The following DNAI1 variants were observed in gnomAD, a reference collection of about 807,000 sequenced individuals.
DNAI1 encodes dynein, axonemal, intermediate polypeptide 1.
A neutral mutation model predicts 92.0 loss-of-function variants in DNAI1; 67 were observed. The observed-to-expected ratio is 0.73, with a 90% CI of 0.60 to 0.89. The LOEUF (loss-of-function observed/expected upper bound fraction) is 0.89. Ranked by LOEUF, DNAI1 falls within the 40% of genes least tolerant of loss-of-function variation. The probability of loss-of-function intolerance (pLI) is 0.00; values close to 1 mark genes in which losing one functional copy is unlikely to be tolerated. For missense variants in DNAI1, 839 were observed against 866.6 expected (o/e 0.97, Z 0.40); for synonymous variants, 323 against 319.6 (o/e 1.01, Z -0.11).
rs758117826 is a variant in DNAI1, at chr9:34,514,679, T to C, written c.1758T>C (p.Gly586=). The change falls in exon 18 of 20, where the codon GGT becomes GGC. Residue 586 remains glycine, a synonymous_variant. Coordinates refer to ENST00000242317, the MANE Select transcript of DNAI1 (RefSeq NM_012144.4). ...MFIYDLNSAV[G]DVAWAPYSST... ...TCTATGACCTGAACTCAGCCGTGGG[T>C]GATGTGGCCTGGGCGCCATACTCTT... The C allele has an allele frequency of 4.3e-6, 7 of 1,613,948 alleles. No individual in the cohort carries two copies. The highest frequency in any genetic ancestry group is 1.3e-5 in the African/African-American group (1 of 74,884).
intron 12 of DNAI1, among the ~76,000 whole-genome samples, chr9:34,505,157 A>C (rs1447302886): frequency 6.6e-6 from 1 of 152,198 alleles, no homozygotes; most frequent in Admixed American, 6.5e-5. Context: ...ATAGTTCTGG[A>C]GGTCAGAAGT....
intron 13 of DNAI1, among the ~76,000 whole-genome samples, chr9:34,507,994 G>A (rs1280082918): frequency 6.6e-6 from 1 of 152,214 alleles, no homozygotes; most frequent in Non-Finnish European, 1.5e-5. Flanking sequence ...CTTAGCTGTG[G>A]CTTTGCAGGC....
intron 13 of DNAI1, among the ~76,000 whole-genome samples, chr9:34,508,000 C>G (rs1431831047): frequency 6.6e-6 from 1 of 152,234 alleles, no homozygotes; most frequent in African/African-American, 2.4e-5. Context: ...TGTGGCTTTG[C>G]AGGCCCTTCC....
intron 15 of DNAI1, among the ~76,000 whole-genome samples, chr9:34,512,858 A>G (rs527884325): frequency 6.6e-5 from 10 of 152,198 alleles, no homozygotes; most frequent in Non-Finnish European, 1.3e-4. Context: ...TGCCTTGTTT[A>G]CCCAGGCCCC....
intron 1 of DNAI1, among the ~76,000 whole-genome samples, chr9:34,469,584 T>C (rs1292637888): frequency 2.6e-5 from 4 of 151,934 alleles, no homozygotes; most frequent in African/African-American, 9.7e-5. Flanking sequence ...TTGTTGTTGT[T>C]TTTGGTTGTT....
chr9:34,500,778 C>G lies in DNAI1; in HGVS notation c.958C>G (p.Leu320Val), dbSNP rs1455960391. ...DEYRDQVGTL[L>V]PLWKFQNDKA... is the part of the protein sequence containing the mutation. Reference sequence around the variant, plus strand: ...ATACCGGGACCAGGTGGGTACCCTGCTGCCGCTCTGGAAGTTCCAAAATGA... The same window carrying G: ...ATACCGGGACCAGGTGGGTACCCTGGTGCCGCTCTGGAAGTTCCAAAATGA... The change falls in exon 11 of 20, where the codon CTG becomes GTG. Residue 320 changes from leucine (L) to valine (V), a missense_variant. Physicochemically the swap from Leu to Val is conservative, Grantham distance 32. Transcript: ENST00000242317. 13 of 1,614,028 alleles carry G rather than the reference C, an allele frequency of 8.1e-6. No individual in the cohort carries two copies. Among genetic ancestry groups the G allele is most frequent in the Non-Finnish European group, 1.1e-5 (13 of 1,180,038 alleles).
intron 19 of DNAI1, among the ~76,000 whole-genome samples, chr9:34,519,236 G>C (rs1825222858): frequency 6.6e-6 from 1 of 152,060 alleles, no homozygotes; most frequent in Admixed American, 6.6e-5. Context: ...TTTCCAAATG[G>C]CTTCCCCACA....
chr9:34,493,389 G>T, intron 9 of DNAI1, 61 bp downstream of exon 9: 4 of 1,608,304 alleles, frequency 2.5e-6, no homozygotes, highest in Non-Finnish European at 3.4e-6. Context: ...TGGCCTCTGG[G>T]TAGACAGAAG....
At chr9:34,502,920 G>T (rs1204988610) in intron 12 of DNAI1, among the ~76,000 whole-genome samples, 1 of 152,130 alleles carries the variant, frequency 6.6e-6, no homozygotes, top group Admixed American at 6.6e-5. Context: ...TGTGAGGTAC[G>T]CTTGAGAGAG....
chr9:34,490,344 TGATC>T (rs1824562645), intron 6 of DNAI1, 21 bp from the exon 7 acceptor site: 1 of 1,614,070 alleles, frequency 6.2e-7, no homozygotes, highest in Non-Finnish European at 8.5e-7. Context: ...AGCTGATTCC[TGATC>T]CTCTGGGTCT....
At chr9:34,490,255 G>T in intron 6 of DNAI1, 114 bp from the exon 7 acceptor site, 2 of 1,607,900 alleles carry the variant, frequency 1.2e-6, no homozygotes, top group Non-Finnish European at 1.7e-6. Flanking sequence ...AATGTGTCTG[G>T]CAGCATCACT....
intron 13 of DNAI1, among the ~76,000 whole-genome samples, chr9:34,508,036 T>C (rs1168277237): frequency 6.6e-6 from 1 of 152,222 alleles, no homozygotes; most frequent in Non-Finnish European, 1.5e-5. Flanking sequence ...GGTCCCCTTC[T>C]TTCAAAGGCT....
intron 1 of DNAI1, among the ~76,000 whole-genome samples, chr9:34,481,244 A>G (rs1342709777): frequency 6.6e-6 from 1 of 152,262 alleles, no homozygotes; most frequent in Non-Finnish European, 1.5e-5. Context: ...CTCTGTCTCA[A>G]AATAGTAATA....
chr9:34,492,491 A>AAGATATATATATAT (rs1824622205), intron 8 of DNAI1, among the ~76,000 whole-genome samples: 1 of 27,750 alleles, frequency 3.6e-5, no homozygotes. Context: ...TGGGGATATG[A>AAGATATATATATAT]AGATATATAT....
chr9:34,493,407 G>C, intron 9 of DNAI1, 79 bp downstream of exon 9: 1 of 1,587,818 alleles, frequency 6.3e-7, no homozygotes, highest in Non-Finnish European at 8.6e-7. Flanking sequence ...AAGCCTGGCT[G>C]TCTGGGAGGG....
At position 34,513,184 on chromosome 9, in the gene DNAI1, T is replaced by G. The variant is rs568312736; in HGVS notation, c.1562T>G (p.Ile521Ser). 3 of 1,613,950 alleles carry G rather than the reference T, an allele frequency of 1.9e-6. No homozygotes were observed. The East Asian group carries it at 6.7e-5, about 36-fold the overall frequency. ...CTAGTGGGCACAGAGGAGGGAAAAA[T>G]CTACAAGGTGAGGCTGCCCTGTGCC... is the stretch of plus-strand genomic sequence containing the variant. ...MFLVGTEEGK[I>S]YKCSKSYSSQ... is the part of the protein sequence containing the mutation. The change falls in exon 16 of 20, where the codon ATC (isoleucine) becomes AGC (serine). Residue 521 changes from isoleucine (I) to serine (S), a missense_variant. By Grantham distance (142) the Ile-to-Ser change is moderately radical. Transcript: ENST00000242317.
In DNAI1 at chr9:34,497,203, A is replaced by G. The variant is rs1179778506; in HGVS notation, c.901+4A>G. ...ACATATGATGACATTGCTCAAGGTA[A>G]GAGTTGAAGTTCTGGCAACCACTAT... is the stretch of plus-strand genomic sequence containing the variant. On this transcript the variant is annotated splice_donor_region_variant and intron_variant, in intron 10 of 19. Transcript: ENST00000242317. 2 of 1,612,228 alleles carry G rather than the reference A, an allele frequency of 1.2e-6. No homozygotes were observed. Among genetic ancestry groups the G allele is most frequent in the Non-Finnish European group, 1.7e-6 (2 of 1,178,266 alleles).
At chr9:34,498,025 T>C (rs1824759496) in intron 10 of DNAI1, among the ~76,000 whole-genome samples, 1 of 152,148 alleles carries the variant, frequency 6.6e-6, no homozygotes, top group East Asian at 1.9e-4. Context: ...TGAAACTTTC[T>C]AGGCAGGGAC....
chr9:34,472,203 T>C (rs1423510013), intron 1 of DNAI1, among the ~76,000 whole-genome samples: 1 of 152,244 alleles, frequency 6.6e-6, no homozygotes, highest in Non-Finnish European at 1.5e-5. Context: ...GTTAGTGCTC[T>C]TCATACATTA....
Sources: gnomAD v4.1 joint callset for allele counts (sites outside exome capture counted in the v4.1 genomes callset) on GRCh38, gnomAD v4.1.1 for gene constraint, MANE v1.5 for transcripts, NCBI Gene and HGNC (gene_info 2026-07-23, HGNC 2026-07-21) for gene names.